PDE4DIP: variants seen among roughly 807,000 people sequenced by gnomAD.
PDE4DIP encodes the protein myomegalin.
PDE4DIP carries 59 observed loss-of-function variants against 221.4 expected under a neutral mutation model. The observed-to-expected ratio is 0.27, with a 90% CI of 0.22 to 0.33. The LOEUF (loss-of-function observed/expected upper bound fraction) is 0.33. PDE4DIP is among the 10% of genes least tolerant of loss of function. PDE4DIP has a pLI of 1.00. For synonymous variants in PDE4DIP, 404 were observed against 815.9 expected (o/e 0.50, Z 8.60); for missense variants, 1,036 against 2,154.2 (o/e 0.48, Z 10.28).
intron 5 of PDE4DIP, among the ~76,000 whole-genome samples, chr1:148,941,544 T>G (rs12118944): frequency 9.4e-3 from 1,048 of 111,626 alleles, no homozygotes; most frequent in Middle Eastern, 0.039. Flanking sequence ...AACTGAGGAT[T>G]GCTTGAAGAG....
At chr1:149,022,990 G>C (rs1449053340) in intron 37 of PDE4DIP, among the ~76,000 whole-genome samples, 1 of 152,282 alleles carries the variant, frequency 6.6e-6, no homozygotes, top group African/African-American at 2.4e-5. Context: ...GTGAGAAGTT[G>C]GGTTGAGAAA....
chr1:148,978,137 A>T (rs1205174076), intron 18 of PDE4DIP, 84 bp downstream of exon 21: 58 of 1,364,112 alleles, frequency 4.3e-5, no homozygotes, highest in Non-Finnish European at 5.6e-5. Flanking sequence ...ATTTGCACAC[A>T]TCGAATCCCT....
chr1:148,876,950 G>A (rs587662748), intron 3 of PDE4DIP, among the ~76,000 whole-genome samples: 1 of 140,876 alleles, frequency 7.1e-6, no homozygotes, highest in Admixed American at 6.9e-5. Flanking sequence ...GGAGGCAGAG[G>A]TTGCAGTGAG....
intron 5 of PDE4DIP, among the ~76,000 whole-genome samples, chr1:148,951,502 C>G (rs1454833625): frequency 6.6e-6 from 1 of 152,224 alleles, no homozygotes; most frequent in Non-Finnish European, 1.5e-5. Context: ...TCCTTTCTGG[C>G]GCGAGCTGCA....
chr1:148,820,428 C>T (rs1484581418), intron 1 of PDE4DIP, among the ~76,000 whole-genome samples: 4 of 148,634 alleles, frequency 2.7e-5, no homozygotes, highest in Admixed American at 2.0e-4. Context: ...ATTAGCCGGG[C>T]GTGGTGGCAG....
chr1:149,018,294 C>G lies in PDE4DIP; in HGVS notation c.5651-248C>G, dbSNP rs1553613980. 9 of 435,996 alleles carry G rather than the reference C, an allele frequency of 2.1e-5. No individual in the cohort carries two copies. In the East Asian group the frequency reaches 3.4e-4, roughly 17 times the overall value. The allele number at this position is 435,996 out of a possible 1,614,324, so 27.0% of individuals were successfully genotyped here. On this transcript the variant is annotated intron_variant, in intron 34 of 43. Transcript: ENST00000369354. ...TCCATATGTTGTTGTCCTGCCTATACCACAGCAGCAGCTGTTTAGGGAGAT... is the reference window on the plus strand; with the variant it reads ...TCCATATGTTGTTGTCCTGCCTATAGCACAGCAGCAGCTGTTTAGGGAGAT...
chr1:148,994,482 G>A (rs587751287), intron 22 of PDE4DIP, among the ~76,000 whole-genome samples: 1 of 147,306 alleles, frequency 6.8e-6, no homozygotes, highest in African/African-American at 2.5e-5. Context: ...AAGAACAGAC[G>A]TTAGTAGACA....
At chr1:149,031,379 TGCTGTGTG>T (rs1553637394) in intron 43 of PDE4DIP, among the ~76,000 whole-genome samples, 1 of 150,080 alleles carries the variant, frequency 6.7e-6, no homozygotes, top group Non-Finnish European at 1.5e-5. Context: ...TATCACTAAC[TGCTGTGTG>T]GCTTTGGCTT....
intron 1 of PDE4DIP, among the ~76,000 whole-genome samples, chr1:148,922,875 C>A (rs1382320317): frequency 1.3e-5 from 2 of 150,486 alleles, no homozygotes; most frequent in African/African-American, 4.9e-5. Context: ...CATGAGCCAC[C>A]GTGCCCGGCC....
intron 1 of PDE4DIP, among the ~76,000 whole-genome samples, chr1:148,828,901 A>G (rs1671291985): frequency 2.0e-5 from 3 of 151,162 alleles, no homozygotes; most frequent in African/African-American, 4.8e-5. Context: ...ACACACACAC[A>G]CGGTTCACAG....
intron 5 of PDE4DIP, chr1:148,953,523 G>C (rs782268305): frequency 6.2e-7 from 1 of 1,613,986 alleles, no homozygotes; most frequent in African/African-American, 1.3e-5. Context: ...TTGGATGCAA[G>C]CGTCCAGGCT....
intron 1 of PDE4DIP, among the ~76,000 whole-genome samples, chr1:148,914,849 G>A (rs1371728194): frequency 1.9e-5 from 2 of 105,762 alleles, no homozygotes; most frequent in Non-Finnish European, 3.9e-5. Flanking sequence ...AGGTCCATAG[G>A]GGATTTCTAG....
intron 21 of PDE4DIP, among the ~76,000 whole-genome samples, chr1:148,988,140 G>C (rs1553552118): frequency 6.6e-6 from 1 of 152,160 alleles, no homozygotes; most frequent in Non-Finnish European, 1.5e-5. Context: ...AAATGAAGAA[G>C]TGCAGGTAGA....
In PDE4DIP at chr1:148,857,300, G is replaced by A. The variant is rs1257250864; in HGVS notation, c.234-5950G>A. Among the ~76,000 whole-genome samples, 15 of 83,922 alleles carry A rather than the reference G, an allele frequency of 1.8e-4. 7 individuals carry two copies. In the South Asian group the frequency reaches 5.6e-3, roughly 31 times the overall value. 55.1% of individuals were successfully genotyped at this position (83,922 alleles called of 152,430 possible). On this transcript the variant is annotated intron_variant, in intron 1 of 45. Transcript: ENST00000524974. ...ACCTCCGGACTTTTTATTTCTCTGCGTTCTTTTCTAGTTTGTTTCTATGGG... is the reference window on the plus strand; with the variant it reads ...ACCTCCGGACTTTTTATTTCTCTGCATTCTTTTCTAGTTTGTTTCTATGGG...
exon 24 of PDE4DIP, chr1:149,001,752 C>A (rs587620585): frequency 4.7e-6 from 7 of 1,505,206 alleles, no homozygotes; most frequent in Non-Finnish European, 6.5e-6. Context: ...AGCCTTCAGG[C>A]TGAGTTCAGA....
intron 26 of PDE4DIP, among the ~76,000 whole-genome samples, chr1:149,004,127 T>A (rs1421064594): frequency 6.6e-6 from 1 of 151,990 alleles, no homozygotes; most frequent in Non-Finnish European, 1.5e-5. Context: ...CTTGAGGCAG[T>A]GTAGTGTGGC....
chr1:148,938,093 C>T, intron 5 of PDE4DIP: 1 of 415,828 alleles, frequency 2.4e-6, no homozygotes, highest in South Asian at 2.8e-5. Context: ...AAGATGTAGA[C>T]TGGGCTCTTT....
intron 21 of PDE4DIP, chr1:148,981,645 G>A: frequency 4.4e-6 from 2 of 459,046 alleles, no homozygotes; most frequent in Non-Finnish European, 8.0e-6. Context: ...ATTGAATGGT[G>A]GAGGTTGCAA....
chr1:148,972,617 A>G, intron 16 of PDE4DIP, 25 bp downstream of exon 19: 1 of 483,450 alleles, frequency 2.1e-6, no homozygotes. Flanking sequence ...TCATTTCATT[A>G]AGGGACTTTG....
Sources: gnomAD v4.1 joint callset for allele counts (sites outside exome capture counted in the v4.1 genomes callset) on GRCh38, gnomAD v4.1.1 for gene constraint, MANE v1.5 for transcripts, NCBI Gene and HGNC (gene_info 2026-07-23, HGNC 2026-07-21) for gene names.